The following RAP1GAP2 variants were observed in gnomAD, a reference collection of about 807,000 sequenced individuals.
RAP1GAP2 encodes the protein RAP1 GTPase activating protein 2, also known as rap1 GTPase-activating protein 2.
Under a neutral mutation model 95.0 loss-of-function variants are expected in RAP1GAP2, and 27 were observed. The ratio of observed to expected loss-of-function variants is 0.28; its 90% CI spans 0.21 to 0.39. The LOEUF (loss-of-function observed/expected upper bound fraction) is 0.39, where lower values mean the gene tolerates loss of function less well. Ranked by LOEUF, RAP1GAP2 falls within the 10% of genes least tolerant of loss-of-function variation. RAP1GAP2 has a pLI of 1.00. For missense variants in RAP1GAP2, 771 were observed against 970.0 expected (o/e 0.79, Z 2.72); for synonymous variants, 373 against 380.9 (o/e 0.98, Z 0.24).
At chr17:2,879,770 C>T (rs1487936689) in intron 2 of RAP1GAP2, among the ~76,000 whole-genome samples, 1 of 151,852 alleles carries the variant, frequency 6.6e-6, no homozygotes, top group African/African-American at 2.4e-5. Flanking sequence ...GGGTCCTCCT[C>T]CTTGCCTTGA....
intron 2 of RAP1GAP2, among the ~76,000 whole-genome samples, chr17:2,818,235 A>G (rs1383563808): frequency 6.6e-6 from 1 of 151,456 alleles, no homozygotes; most frequent in Non-Finnish European, 1.5e-5. Context: ...CCGTTCCTCT[A>G]TTTCTTCCAT....
chr17:2,912,711 G>T (rs1385554213), intron 3 of RAP1GAP2, among the ~76,000 whole-genome samples: 1 of 152,170 alleles, frequency 6.6e-6, no homozygotes, highest in Non-Finnish European at 1.5e-5. Context: ...TTGTGTTTCT[G>T]TTGCCGCTCC....
chr17:3,021,731 G>A (rs974073823), intron 19 of RAP1GAP2, among the ~76,000 whole-genome samples: 4 of 152,166 alleles, frequency 2.6e-5, no homozygotes, highest in African/African-American at 7.2e-5. Flanking sequence ...CACCGCACCC[G>A]GCCACGGTAT....
intron 3 of RAP1GAP2, among the ~76,000 whole-genome samples, chr17:2,939,447 T>C (rs1407514685): frequency 6.6e-6 from 1 of 152,264 alleles, no homozygotes; most frequent in Admixed American, 6.5e-5. Context: ...TGCGTGGGAA[T>C]GCCTCGAAAG....
At chr17:3,012,779 A>G (rs1271947167) in intron 17 of RAP1GAP2, among the ~76,000 whole-genome samples, 1 of 152,114 alleles carries the variant, frequency 6.6e-6, no homozygotes, top group African/African-American at 2.4e-5. Flanking sequence ...TCTTGCGAGA[A>G]CAGCTTTCAC....
At chr17:3,015,501 T>G (rs1257814525) in intron 17 of RAP1GAP2, among the ~76,000 whole-genome samples, 1 of 152,064 alleles carries the variant, frequency 6.6e-6, no homozygotes, top group African/African-American at 2.4e-5. Flanking sequence ...TTGGGACCAC[T>G]TTGCTGTAGA....
chr17:2,935,134 T>C (rs1363298082), intron 3 of RAP1GAP2, among the ~76,000 whole-genome samples: 2 of 152,198 alleles, frequency 1.3e-5, no homozygotes, highest in African/African-American at 4.8e-5. Flanking sequence ...GATGTTTAAC[T>C]CTCAGCCTCA....
At chr17:2,908,660 C>T (rs2042277592) in intron 3 of RAP1GAP2, among the ~76,000 whole-genome samples, 2 of 151,924 alleles carry the variant, frequency 1.3e-5, no homozygotes, top group Admixed American at 1.3e-4. Context: ...CAACCATTCT[C>T]TGAGATAAAG....
At chr17:2,799,141 G>A (rs2069179591) in intron 1 of RAP1GAP2, among the ~76,000 whole-genome samples, 1 of 152,208 alleles carries the variant, frequency 6.6e-6, no homozygotes, top group Non-Finnish European at 1.5e-5. Context: ...TGGGTTGCAC[G>A]CGTTACAGCA....
intron 2 of RAP1GAP2, among the ~76,000 whole-genome samples, chr17:2,880,662 T>TA (rs2073252060): frequency 6.6e-6 from 1 of 150,744 alleles, no homozygotes; most frequent in African/African-American, 2.4e-5. Context: ...CCGAAGCAAC[T>TA]ACCATCTACT....
At chr17:2,875,843 C>T (rs999983179) in intron 2 of RAP1GAP2, among the ~76,000 whole-genome samples, 2 of 151,972 alleles carry the variant, frequency 1.3e-5, no homozygotes, top group African/African-American at 4.8e-5. Flanking sequence ...CCAAGCTGAA[C>T]GTGTCCCAAC....
At chr17:3,023,361 A>G (rs2047013778) in intron 19 of RAP1GAP2, among the ~76,000 whole-genome samples, 1 of 152,240 alleles carries the variant, frequency 6.6e-6, no homozygotes, top group African/African-American at 2.4e-5. Flanking sequence ...ATGCTCAGAC[A>G]AGTGCTACAA....
chr17:2,935,851 G>A lies in RAP1GAP2; in HGVS notation c.166-21908G>A, dbSNP rs115877190. On this transcript the variant is annotated intron_variant, in intron 3 of 24. Coordinates refer to ENST00000254695, the MANE Select transcript of RAP1GAP2 (RefSeq NM_015085.5). ...CGCTCAGTCCCATGCTCTCTTCACC[G>A]GATTGCAGCTGCTGGAGAAAAACCA... Among the ~76,000 whole-genome samples the A allele has an allele frequency of 4.7e-3, 722 of 152,256 alleles. 5 individuals are homozygous for A. Among genetic ancestry groups the A allele is most frequent in the African/African-American group, 0.017 (695 of 41,556 alleles).
intron 2 of RAP1GAP2, 24 bp downstream of exon 2, chr17:2,800,574 T>A: frequency 6.2e-7 from 1 of 1,609,826 alleles, no homozygotes. Context: ...TCCTGTTCTG[T>A]AAAGGTCAGA....
upstream of RAP1GAP2, among the ~76,000 whole-genome samples, chr17:2,773,203 G>T (rs1190919729): frequency 6.6e-6 from 1 of 152,096 alleles, no homozygotes; most frequent in Non-Finnish European, 1.5e-5. Context: ...ATCAGTCCTA[G>T]TCAAGTTCCA....
At chr17:2,927,911 C>T (rs1196665602) in intron 3 of RAP1GAP2, among the ~76,000 whole-genome samples, 1 of 152,186 alleles carries the variant, frequency 6.6e-6, no homozygotes, top group Non-Finnish European at 1.5e-5. Flanking sequence ...TATCAGATGT[C>T]CTTGCCCTGA....
Position 2,839,806 on chromosome 17 carries a change from T to A in RAP1GAP2, c.80+39256T>A, listed in dbSNP as rs185931871. On this transcript the variant is annotated intron_variant, in intron 2 of 24. Transcript: ENST00000254695. ...AGGTATAGAACCATTTTTCTTTTTT[T>A]AATTTTTTTTGAGACGGAGTTTTGC... Among the ~76,000 whole-genome samples, 256 of 152,272 alleles carry A rather than the reference T, an allele frequency of 1.7e-3. 1 individual carries two copies. Among genetic ancestry groups the A allele is most frequent in the African/African-American group, 5.4e-3 (223 of 41,564 alleles).
At chr17:2,897,414 C>CT (rs374789936) in intron 2 of RAP1GAP2, among the ~76,000 whole-genome samples, 8,234 of 149,802 alleles carry the variant, frequency 0.055, 251 homozygotes, top group South Asian at 0.099. Context: ...CTCCTGGAGA[C>CT]TTTTTTTTTT....
At chr17:2,939,724 T>C (rs1011567004) in intron 3 of RAP1GAP2, among the ~76,000 whole-genome samples, 11 of 152,206 alleles carry the variant, frequency 7.2e-5, no homozygotes, top group Non-Finnish European at 1.6e-4. Flanking sequence ...CCCCTTTACC[T>C]TCCTAGGCCC....
Sources: allele counts gnomAD v4.1 joint callset (sites outside exome capture counted in the v4.1 genomes callset), GRCh38; gene constraint gnomAD v4.1.1; transcripts MANE v1.5; gene names NCBI Gene and HGNC (gene_info 2026-07-23, HGNC 2026-07-21).